The following TMEM222 variants were observed in gnomAD, a reference collection of about 807,000 sequenced individuals.
TMEM222 encodes the protein transmembrane protein 222.
TMEM222 carries 18 observed loss-of-function variants against 25.1 expected under a neutral mutation model. The observed-to-expected ratio is 0.72, with a 90% CI of 0.50 to 1.06. The LOEUF (loss-of-function observed/expected upper bound fraction) is 1.06, where lower values mean the gene tolerates loss of function less well. Ranked by LOEUF, TMEM222 falls within the 50% of genes least tolerant of loss-of-function variation. TMEM222 has a pLI of 0.00. For missense variants in TMEM222, 296 were observed against 293.7 expected (o/e 1.01, Z -0.06); for synonymous variants, 131 against 117.9 (o/e 1.11, Z -0.72).
chr1:27,327,543 C>T (rs2014381629), intron 1 of TMEM222, among the ~76,000 whole-genome samples: 1 of 152,208 alleles, frequency 6.6e-6, no homozygotes, highest in Non-Finnish European at 1.5e-5. Context: ...CACATGCCAC[C>T]ATGCCCATCT....
chr1:27,332,608 A>G (rs2014507879), intron 3 of TMEM222: 1 of 687,182 alleles, frequency 1.5e-6, no homozygotes, highest in Non-Finnish European at 2.7e-6. Flanking sequence ...TCATCTTTGC[A>G]GTCTCGGGTG....
intron 1 of TMEM222, 141 bp from the exon 2 acceptor site, chr1:27,330,579 C>G: frequency 1.4e-6 from 1 of 720,158 alleles, no homozygotes; most frequent in Admixed American, 2.2e-5. Flanking sequence ...CTTCCCCAGC[C>G]TTCTGGACCA....
At chr1:27,329,859 T>C (rs558431307) in intron 1 of TMEM222, among the ~76,000 whole-genome samples, 10 of 151,992 alleles carry the variant, frequency 6.6e-5, no homozygotes, top group Middle Eastern at 3.2e-3. Context: ...TCCAGCACTT[T>C]GGGAGGCCGA....
At chr1:27,325,770 T>G in intron 1 of TMEM222, 1 of 839,132 alleles carries the variant, frequency 1.2e-6, no homozygotes, top group Non-Finnish European at 2.1e-6. Flanking sequence ...GTCAGGCCCC[T>G]GTATCGTCCA....
chr1:27,334,027 C>A lies in TMEM222; in HGVS notation c.381C>A (p.Asp127Glu), dbSNP rs145723075. The change falls in exon 4 of 6, where the codon GAC (aspartate) becomes GAA (glutamate). Residue 127 changes from aspartate (D) to glutamate (E), a missense_variant. Physicochemically the swap from Asp to Glu is conservative, Grantham distance 45. Coordinates refer to ENST00000374076, the MANE Select transcript of TMEM222 (RefSeq NM_032125.3). ...GPNAWDTAVH[D>E]ASEEYKHRMH... Reference sequence around the variant, plus strand: ...ACGCATGGGACACGGCTGTGCACGACGCCTCTGAGGAGTACAAGCACCGCA... The same window carrying A: ...ACGCATGGGACACGGCTGTGCACGAAGCCTCTGAGGAGTACAAGCACCGCA... 3 of 1,614,172 alleles carry A rather than the reference C, an allele frequency of 1.9e-6. No homozygotes were observed. In the South Asian group the frequency reaches 3.3e-5, roughly 18 times the overall value.
chr1:27,334,292 C>T lies in TMEM222; in HGVS notation c.539+11C>T, dbSNP rs751004336. ...CGGGAAGTACGTCAGGTGAGCTGCC[C>T]TCCTGCCTGCCCACCCACACACTGC... On this transcript the variant is annotated intron_variant, in intron 5 of 5. Coordinates refer to ENST00000374076, the MANE Select transcript of TMEM222 (RefSeq NM_032125.3). 10 of 1,613,954 alleles carry T rather than the reference C, an allele frequency of 6.2e-6. No homozygotes were observed. The South Asian group carries it at 8.8e-5, about 14-fold the overall frequency.
At position 27,331,161 on chromosome 1, in the gene TMEM222, C is replaced by A. The variant is rs535857537; in HGVS notation, c.279+357C>A. The A allele has an allele frequency of 1.1e-4, 121 of 1,124,780 alleles. 2 individuals are homozygous for A. The South Asian group carries it at 3.0e-3, about 28-fold the overall frequency. 69.7% of individuals were successfully genotyped at this position (1,124,780 alleles called of 1,614,324 possible). On this transcript the variant is annotated intron_variant, in intron 2 of 5. Transcript: ENST00000374076. Reference sequence around the variant, plus strand: ...AGGTGGGAGTCAAGGTGGGGGGACACGGGAGGCTGATTCGGTTCCCTGGGT... The same window carrying A: ...AGGTGGGAGTCAAGGTGGGGGGACAAGGGAGGCTGATTCGGTTCCCTGGGT...
In TMEM222 at chr1:27,325,811, G is replaced by A. The variant is rs553015429; in HGVS notation, c.194+3420G>A. 1.1e-4 allele frequency: 88 copies of A among 799,606 alleles called. No individual in the cohort carries two copies. The Middle Eastern group carries it at 2.1e-3, about 19-fold the overall frequency. 49.5% of individuals were successfully genotyped at this position (799,606 alleles called of 1,614,324 possible). On this transcript the variant is annotated intron_variant, in intron 1 of 5. Coordinates refer to ENST00000374076, the MANE Select transcript of TMEM222 (RefSeq NM_032125.3). ...AATGCTTCTAAATGGACTGCGAGCC[G>A]ATGCGTAGCATTTGCTGCATGGGTT...
At chr1:27,331,512 G>C (rs1441051428) in intron 2 of TMEM222, among the ~76,000 whole-genome samples, 3 of 152,228 alleles carry the variant, frequency 2.0e-5, no homozygotes, top group Non-Finnish European at 4.4e-5. Context: ...TCTGAACCCA[G>C]AGTCTGTCTC....
chr1:27,327,709 C>T (rs2014386784), intron 1 of TMEM222, among the ~76,000 whole-genome samples: 1 of 152,166 alleles, frequency 6.6e-6, no homozygotes, highest in East Asian at 1.9e-4. Context: ...GCAGCCTCAA[C>T]TTCCTGGGCC....
Position 27,335,462 on chromosome 1 carries a change from G to C in TMEM222, c.623G>C (p.Arg208Pro). 1 of 1,614,120 alleles carries C rather than the reference G, an allele frequency of 6.2e-7. No individual in the cohort carries two copies. The highest frequency in any genetic ancestry group is 8.5e-7 in the Non-Finnish European group (1 of 1,179,978). Residue 208 changes from arginine (R) to proline (P), a missense_variant, in exon 6 of 6, where the codon CGG (arginine) becomes CCG (proline). By Grantham distance (103) the Arg-to-Pro change is moderately radical. Transcript: ENST00000374076. ...ACCGTCAGCCTGGTCTTTAACCTCCGGTGATGGCTGCTCGGTGGCCCCACA... is the reference window on the plus strand; with the variant it reads ...ACCGTCAGCCTGGTCTTTAACCTCCCGTGATGGCTGCTCGGTGGCCCCACA... The part of the protein sequence containing the change: ...ILTVSLVFNL[R>P]
chr1:27,324,953 A>G (rs1038496475), intron 1 of TMEM222, among the ~76,000 whole-genome samples: 6 of 152,306 alleles, frequency 3.9e-5, no homozygotes, highest in African/African-American at 7.2e-5. Flanking sequence ...CCCACCTCCA[A>G]TATGGGGACT....
intron 2 of TMEM222, chr1:27,331,175 G>A (rs918686057): frequency 9.0e-6 from 10 of 1,115,098 alleles, no homozygotes; most frequent in South Asian, 7.7e-5. Flanking sequence ...AGGCTGATTC[G>A]GTTCCCTGGG....
At chr1:27,327,973 A>T (rs1394545977) in intron 1 of TMEM222, among the ~76,000 whole-genome samples, 1 of 152,254 alleles carries the variant, frequency 6.6e-6, no homozygotes, top group Non-Finnish European at 1.5e-5. Flanking sequence ...AGTGAGTTGC[A>T]GCTATATACA....
intron 1 of TMEM222, among the ~76,000 whole-genome samples, chr1:27,326,096 T>G (rs527738775): frequency 4.5e-4 from 68 of 152,304 alleles, no homozygotes; most frequent in South Asian, 1.0e-3. Flanking sequence ...AAGAATGTGC[T>G]TGTGGAAGAC....
intron 1 of TMEM222, among the ~76,000 whole-genome samples, chr1:27,327,349 A>G (rs547483217): frequency 1.3e-5 from 2 of 152,260 alleles, no homozygotes; most frequent in South Asian, 4.2e-4. Flanking sequence ...ATATCTGAGC[A>G]TGACTTCACT....
intron 1 of TMEM222, among the ~76,000 whole-genome samples, chr1:27,326,057 C>T (rs2014341599): frequency 6.6e-6 from 1 of 152,184 alleles, no homozygotes; most frequent in Admixed American, 6.5e-5. Context: ...ACCCTTAGTA[C>T]ATGTGGCTTG....
At position 27,334,138 on chromosome 1, in the gene TMEM222, C is replaced by G. The variant is rs1334751500; in HGVS notation, c.409-13C>G. The G allele has an allele frequency of 6.2e-7, 1 of 1,614,022 alleles. No homozygotes were observed. Among genetic ancestry groups the G allele is most frequent in the East Asian group, 2.2e-5 (1 of 44,894 alleles). On this transcript the variant is annotated splice_polypyrimidine_tract_variant and intron_variant, in intron 4 of 5. Transcript: ENST00000374076. ...CTGCAGCCCATCCTGACCAGCCCTT[C>G]TGGTGCCTCCAGCACAATCTCTGCT...
intron 1 of TMEM222, among the ~76,000 whole-genome samples, chr1:27,323,470 A>C (rs2014259748): frequency 6.6e-6 from 1 of 152,228 alleles, no homozygotes; most frequent in Admixed American, 6.5e-5. Flanking sequence ...AAGAGCATCC[A>C]AATCTGTTCT....
Sources: allele counts gnomAD v4.1 joint callset (sites outside exome capture counted in the v4.1 genomes callset), GRCh38; gene constraint gnomAD v4.1.1; transcripts MANE v1.5; gene names NCBI Gene and HGNC (gene_info 2026-07-23, HGNC 2026-07-21).